The following CPS1 variants were observed in gnomAD, a reference collection of about 807,000 sequenced individuals.
CPS1 encodes carbamoyl-phosphate synthase [ammonia], mitochondrial.
A neutral mutation model predicts 174.6 loss-of-function variants in CPS1; 109 were observed. The ratio of observed to expected loss-of-function variants is 0.62; its 90% CI spans 0.53 to 0.73. The LOEUF is 0.73. CPS1 is among the 30% of genes least tolerant of loss of function. CPS1 has a pLI of 0.00. For missense variants in CPS1, 1,689 were observed against 1,821.9 expected (o/e 0.93, Z 1.33); for synonymous variants, 637 against 632.0 (o/e 1.01, Z -0.12).
rs768630786 is a variant in CPS1, at chr2:210,660,500, T to C, written c.3772T>C (p.Leu1258=). 1.4e-5 allele frequency: 23 copies of C among 1,614,152 alleles called. No homozygotes were observed. The East Asian group carries it at 2.2e-4, about 16-fold the overall frequency. Residue 1258 remains leucine, a synonymous_variant, in exon 32 of 38, where the codon TTG becomes CTG. Transcript: ENST00000233072. ...ATCTCTTCAGGTGATTGAGTGTAACTTGAGAGCTTCTCGATCCTTCCCCTT... is the reference window on the plus strand; with the variant it reads ...ATCTCTTCAGGTGATTGAGTGTAACCTGAGAGCTTCTCGATCCTTCCCCTT... ...GNDVLVIECN[L]RASRSFPFVS... is the part of the protein sequence containing the mutation.
At chr2:210,576,130 T>C (rs561363670) in intron 2 of CPS1, among the ~76,000 whole-genome samples, 15 of 152,226 alleles carry the variant, frequency 9.9e-5, no homozygotes, top group African/African-American at 3.6e-4. Context: ...AAATATACCT[T>C]GGTACTCACG....
At chr2:210,582,022 G>T (rs1260932827) in intron 5 of CPS1, among the ~76,000 whole-genome samples, 1 of 152,156 alleles carries the variant, frequency 6.6e-6, no homozygotes, top group Non-Finnish European at 1.5e-5. Context: ...AGCTAGCAAG[G>T]ATAGTTTGTG....
upstream of CPS1, among the ~76,000 whole-genome samples, chr2:210,554,319 C>A (rs914705264): frequency 3.3e-4 from 49 of 149,858 alleles, no homozygotes; most frequent in African/African-American, 1.1e-3. Context: ...GCATCTGGGA[C>A]CCTTTACTGA....
chr2:210,637,618 C>G, intron 21 of CPS1, 84 bp from the exon 22 acceptor site: 1 of 1,391,408 alleles, frequency 7.2e-7, no homozygotes, highest in South Asian at 1.2e-5. Context: ...ATAAGAAGCC[C>G]TTGGTGTTCT....
At chr2:210,601,616 T>C (rs560845301) in intron 15 of CPS1, among the ~76,000 whole-genome samples, 8 of 152,066 alleles carry the variant, frequency 5.3e-5, no homozygotes, top group African/African-American at 1.9e-4. Context: ...ATGGGAAAGG[T>C]GTAATTACAT....
At chr2:210,534,082 C>G (rs751679515) in intron 1 of CPS1, among the ~76,000 whole-genome samples, 1 of 152,162 alleles carries the variant, frequency 6.6e-6, no homozygotes, top group African/African-American at 2.4e-5. Context: ...GTTGGATGTT[C>G]CTGCCACATA....
chr2:210,502,132 A>T (rs1695155483), intron 1 of CPS1, among the ~76,000 whole-genome samples: 1 of 151,926 alleles, frequency 6.6e-6, no homozygotes, highest in Admixed American at 6.6e-5. Context: ...GCATGGGGGA[A>T]ACTGCCCCCA....
intron 21 of CPS1, among the ~76,000 whole-genome samples, chr2:210,629,930 G>A (rs1699814515): frequency 6.6e-6 from 1 of 151,184 alleles, no homozygotes; most frequent in Non-Finnish European, 1.5e-5. Context: ...AAAATTAGCC[G>A]GGCGTGGTGG....
intron 27 of CPS1, 94 bp downstream of exon 27, chr2:210,648,634 T>A: frequency 1.0e-6 from 1 of 979,972 alleles, no homozygotes; most frequent in Non-Finnish European, 1.6e-6. Flanking sequence ...GTTCTATATG[T>A]AGTAATTTAT....
rs1559095771 is a variant in CPS1, at chr2:210,595,550, T to A, written c.1327T>A (p.Tyr443Asn). The A allele has an allele frequency of 6.2e-7, 1 of 1,611,522 alleles. No individual in the cohort carries two copies. The highest frequency in any genetic ancestry group is 8.5e-7 in the Non-Finnish European group (1 of 1,178,332). Reference sequence around the variant, plus strand: ...CATTGGTCAGGCTGGAGAATTTGATTACTCAGGATCTCAAGCTGTAAAAGC... The same window carrying A: ...CATTGGTCAGGCTGGAGAATTTGATAACTCAGGATCTCAAGCTGTAAAAGC... ...LSIGQAGEFDYSGSQAVKAMK... is the reference protein window; with the variant it reads ...LSIGQAGEFDNSGSQAVKAMK... Residue 443 changes from tyrosine (Y) to asparagine (N), a missense_variant, in exon 13 of 38, where the codon TAC becomes AAC. Physicochemically the swap from Tyr to Asn is moderately radical, Grantham distance 143. Coordinates refer to ENST00000233072, the MANE Select transcript of CPS1 (RefSeq NM_001875.5).
intron 5 of CPS1, 51 bp from the exon 6 acceptor site, chr2:210,582,566 A>G (rs764895682): frequency 3.6e-6 from 5 of 1,378,092 alleles, no homozygotes; most frequent in South Asian, 1.2e-5. Context: ...TATCTTGTCA[A>G]CACCTTTATC....
intron 25 of CPS1, among the ~76,000 whole-genome samples, chr2:210,644,869 A>T (rs1000109096): frequency 2.0e-5 from 3 of 152,208 alleles, no homozygotes; most frequent in Non-Finnish European, 4.4e-5. Flanking sequence ...ATGGGTAAAA[A>T]GGATGCAAAC....
chr2:210,561,967 T>C (rs1406734774), intron 1 of CPS1, among the ~76,000 whole-genome samples: 2 of 152,206 alleles, frequency 1.3e-5, no homozygotes, highest in Non-Finnish European at 2.9e-5. Flanking sequence ...GTTTCTTCTA[T>C]AATGCAGACT....
rs1361501318 is a variant in CPS1, at chr2:210,600,862, T to C, written c.1707+150T>C. The C allele has an allele frequency of 5.6e-6, 5 of 893,632 alleles. No homozygotes were observed. The East Asian group carries it at 1.3e-4, about 23-fold the overall frequency. The allele number at this position is 893,632 out of a possible 1,614,324, so 55.4% of individuals were successfully genotyped here. Reference sequence around the variant, plus strand: ...GTGTTAATAGTTTAGAAATATTGTGTATTACAGCACTCAATGCTGAAATTA... The same window carrying C: ...GTGTTAATAGTTTAGAAATATTGTGCATTACAGCACTCAATGCTGAAATTA... On this transcript the variant is annotated intron_variant, in intron 15 of 37. Transcript: ENST00000233072.
At chr2:210,581,061 C>T (rs1381984474) in intron 5 of CPS1, among the ~76,000 whole-genome samples, 1 of 152,054 alleles carries the variant, frequency 6.6e-6, no homozygotes, top group Non-Finnish European at 1.5e-5. Context: ...TTCTATCCCA[C>T]CTCTGATTTT....
chr2:210,520,751 C>A (rs1695800578), intron 1 of CPS1, among the ~76,000 whole-genome samples: 1 of 151,892 alleles, frequency 6.6e-6, no homozygotes, highest in South Asian at 2.1e-4. Context: ...TTTGAGGTTC[C>A]TCCATATTGT....
intron 16 of CPS1, among the ~76,000 whole-genome samples, chr2:210,603,649 T>C (rs1438375496): frequency 2.6e-5 from 4 of 151,898 alleles, no homozygotes; most frequent in Admixed American, 6.6e-5. Flanking sequence ...ATCTGAAGAC[T>C]GAACTTTTCA....
chr2:210,621,505 T>A (rs1268188031), intron 21 of CPS1, among the ~76,000 whole-genome samples: 1 of 152,128 alleles, frequency 6.6e-6, no homozygotes, highest in Non-Finnish European at 1.5e-5. Context: ...ATACTCACTC[T>A]CCCAATGCCG....
At chr2:210,639,068 G>A in intron 22 of CPS1, 82 bp from the exon 23 acceptor site, 1 of 1,019,894 alleles carries the variant, frequency 9.8e-7, no homozygotes. Context: ...AAAGGAATAT[G>A]TATATAAAGC....
Sources: allele counts gnomAD v4.1 joint callset (sites outside exome capture counted in the v4.1 genomes callset), GRCh38; gene constraint gnomAD v4.1.1; transcripts MANE v1.5; gene names NCBI Gene and HGNC (gene_info 2026-07-23, HGNC 2026-07-21).